GABRG1: variants seen among roughly 807,000 people sequenced by gnomAD.
GABRG1 encodes gamma-aminobutyric acid receptor subunit gamma-1.
Under a neutral mutation model 49.8 loss-of-function variants are expected in GABRG1, and 49 were observed. The observed-to-expected ratio is 0.98, with a 90% CI of 0.78 to 1.25. The LOEUF is 1.25. Among genes scored for constraint, GABRG1 ranks in the 50% most tolerant of loss-of-function variants. GABRG1 has a pLI of 0.00. For missense variants in GABRG1, 552 were observed against 552.3 expected (o/e 1.00, Z 0.01); for synonymous variants, 232 against 185.1 (o/e 1.25, Z -2.06).
Position 46,114,904 on chromosome 4 carries a change from T to G in GABRG1, c.104+8906A>C, listed in dbSNP as rs142667456. Among the ~76,000 whole-genome samples the G allele has an allele frequency of 4.3e-3, 652 of 150,866 alleles. 1 individual carries two copies. The highest frequency in any genetic ancestry group is 6.5e-3 in the Admixed American group (98 of 15,066). On this transcript the variant is annotated intron_variant, in intron 1 of 8. Transcript: ENST00000295452. ...AGCATATGAAATGATTAAGCGGAAC[T>G]ATAACAGGGAAGGTAAATGTCTTAC...
intron 1 of GABRG1, among the ~76,000 whole-genome samples, chr4:46,099,050 A>T (rs955847066): frequency 2.0e-5 from 3 of 151,770 alleles, no homozygotes; most frequent in African/African-American, 7.2e-5. Flanking sequence ...TTTCATCGTT[A>T]TAATAATTAT....
chr4:46,063,842 A>C (rs901084168), intron 5 of GABRG1, among the ~76,000 whole-genome samples: 2 of 152,174 alleles, frequency 1.3e-5, no homozygotes, highest in African/African-American at 4.8e-5. Flanking sequence ...AAGAAAAAAC[A>C]AACAACCCCA....
chr4:46,088,716 T>G (rs1385744621), intron 2 of GABRG1, among the ~76,000 whole-genome samples: 4 of 149,828 alleles, frequency 2.7e-5, no homozygotes, highest in Non-Finnish European at 5.9e-5. Flanking sequence ...AGGCATGGTA[T>G]AGTGTATATC....
Position 46,076,361 on chromosome 4 carries a change from TCATATATATATATATATATATATATATA to T in GABRG1, c.321+7597_321+7624del, listed in dbSNP as rs1335113523. Among the ~76,000 whole-genome samples, 13 of 78,146 alleles carry T rather than the reference TCATATATATATATATATATATATATATA, an allele frequency of 1.7e-4. 1 individual carries two copies. The highest frequency in any genetic ancestry group is 8.9e-4 in the South Asian group (2 of 2,250). 51.3% of individuals were successfully genotyped at this position (78,146 alleles called of 152,430 possible). A position where few individuals can be genotyped will look rare whatever the true frequency, so the allele number is the denominator to read the frequency against. On this transcript the variant is annotated intron_variant, in intron 3 of 8. Coordinates refer to ENST00000295452, the MANE Select transcript of GABRG1 (RefSeq NM_173536.4). ...TACCTAAATTTATCTTAGGTCATGT[TCATATATATATATATATATATATATATA>T]TATATATATATATATGCTAAATTAC...
Position 46,097,316 on chromosome 4 carries a change from A to G in GABRG1, c.138T>C (p.Asp46=), listed in dbSNP as rs1720198388. The change falls in exon 2 of 9, where the codon GAT becomes GAC. Residue 46 remains aspartate (D), a synonymous_variant. Coordinates refer to ENST00000295452, the MANE Select transcript of GABRG1 (RefSeq NM_173536.4). ...AGACCCAGGTTTTGTTCACCGTTAAATCCTCATCATCTTCATCATCTGCCT... is the reference window on the plus strand; with the variant it reads ...AGACCCAGGTTTTGTTCACCGTTAAGTCCTCATCATCTTCATCATCTGCCT... ...VDKADDEDDE[D]LTVNKTWVLA... is the part of the protein sequence containing the mutation. The G allele has an allele frequency of 6.2e-7, 1 of 1,609,624 alleles. No individual in the cohort carries two copies. The highest frequency in any genetic ancestry group is 1.7e-5 in the Admixed American group (1 of 59,496).
intron 7 of GABRG1, among the ~76,000 whole-genome samples, chr4:46,056,292 T>G (rs1472924683): frequency 6.6e-6 from 1 of 151,956 alleles, no homozygotes; most frequent in African/African-American, 2.4e-5. Flanking sequence ...TGACTATTCA[T>G]TCAGCTCCAA....
chr4:46,123,283 G>A (rs1721150435), intron 1 of GABRG1, among the ~76,000 whole-genome samples: 1 of 151,952 alleles, frequency 6.6e-6, no homozygotes, highest in South Asian at 2.1e-4. Flanking sequence ...AATGCTGATA[G>A]ATTTGTTTTT....
At chr4:46,060,257 A>ATGTGTGTG (rs34820575) in intron 5 of GABRG1, among the ~76,000 whole-genome samples, 6 of 149,272 alleles carry the variant, frequency 4.0e-5, no homozygotes, top group Admixed American at 1.3e-4. Context: ...CGGTGGTTGT[A>ATGTGTGTG]TGTGTGTGTG....
At chr4:46,044,660 A>C (rs1485983988) in intron 8 of GABRG1, among the ~76,000 whole-genome samples, 1 of 152,114 alleles carries the variant, frequency 6.6e-6, no homozygotes, top group Non-Finnish European at 1.5e-5. Context: ...ATGACTGTGG[A>C]ATCTACTCTT....
chr4:46,092,969 T>C (rs1720040547), intron 2 of GABRG1, among the ~76,000 whole-genome samples: 1 of 150,346 alleles, frequency 6.7e-6, no homozygotes, highest in Non-Finnish European at 1.5e-5. Context: ...CTCAGGAGGC[T>C]GAGACAGGAG....
chr4:46,049,950 T>C (rs1718151807), intron 8 of GABRG1, among the ~76,000 whole-genome samples: 2 of 152,060 alleles, frequency 1.3e-5, no homozygotes, highest in Non-Finnish European at 2.9e-5. Flanking sequence ...CTGGCCTCTA[T>C]ATTAGTTATT....
At chr4:46,101,512 G>A (rs1004044003) in intron 1 of GABRG1, among the ~76,000 whole-genome samples, 5 of 151,660 alleles carry the variant, frequency 3.3e-5, no homozygotes, top group African/African-American at 7.2e-5. Flanking sequence ...AAAGCACTGT[G>A]ATCTCAATCT....
intron 3 of GABRG1, among the ~76,000 whole-genome samples, chr4:46,077,246 C>A (rs1719384723): frequency 6.6e-6 from 1 of 151,458 alleles, no homozygotes; most frequent in Non-Finnish European, 1.5e-5. Flanking sequence ...CACATGTATA[C>A]ATATGTAACA....
At chr4:46,122,217 C>T (rs1198289094) in intron 1 of GABRG1, among the ~76,000 whole-genome samples, 1 of 151,924 alleles carries the variant, frequency 6.6e-6, no homozygotes, top group Non-Finnish European at 1.5e-5. Context: ...TGCAAATATT[C>T]CCCAAAACAA....
chr4:46,106,326 T>G (rs1355897708), intron 1 of GABRG1, among the ~76,000 whole-genome samples: 1 of 151,400 alleles, frequency 6.6e-6, no homozygotes, highest in Admixed American at 6.6e-5. Context: ...GGTTGATCAG[T>G]CCTTCACTGG....
At chr4:46,076,659 C>A (rs1408790587) in intron 3 of GABRG1, among the ~76,000 whole-genome samples, 1 of 151,428 alleles carries the variant, frequency 6.6e-6, no homozygotes, top group Non-Finnish European at 1.5e-5. Context: ...TTCATTCTGT[C>A]AGAACATTGC....
chr4:46,081,120 C>T (rs927035192), intron 3 of GABRG1, among the ~76,000 whole-genome samples: 1 of 151,732 alleles, frequency 6.6e-6, no homozygotes, highest in Non-Finnish European at 1.5e-5. Context: ...TTTACTATCT[C>T]AGCTTCATCT....
At chr4:46,071,767 G>T (rs896367018) in intron 3 of GABRG1, among the ~76,000 whole-genome samples, 1 of 151,658 alleles carries the variant, frequency 6.6e-6, no homozygotes, top group Non-Finnish European at 1.5e-5. Flanking sequence ...ACAAAATAAT[G>T]ACACAAAGAA....
intron 3 of GABRG1, among the ~76,000 whole-genome samples, chr4:46,070,608 G>T (rs547244767): frequency 6.3e-4 from 96 of 151,972 alleles, no homozygotes; most frequent in Non-Finnish European, 1.1e-3. Context: ...ATAAATAGGT[G>T]GGCATATAGA....
Sources: gnomAD v4.1 joint callset for allele counts (sites outside exome capture counted in the v4.1 genomes callset) on GRCh38, gnomAD v4.1.1 for gene constraint, MANE v1.5 for transcripts, NCBI Gene and HGNC (gene_info 2026-07-23, HGNC 2026-07-21) for gene names.